DTNB: variants seen among roughly 807,000 people sequenced by gnomAD.
DTNB encodes the protein dystrobrevin beta.
In DTNB, 63 loss-of-function variants were observed where a neutral mutation model predicts 90.7. That is an observed-to-expected ratio of 0.69 (90% CI 0.57 to 0.86). The LOEUF is 0.86. Among genes scored for constraint, DTNB ranks in the 40% least tolerant of loss-of-function variants. The probability of loss-of-function intolerance (pLI) is 0.00; values close to 1 mark genes in which losing one functional copy is unlikely to be tolerated. For missense variants in DTNB, 744 were observed against 807.1 expected, an observed-to-expected ratio of 0.92 and a Z score of 0.95; for synonymous variants, 277 against 286.7, an observed-to-expected ratio of 0.97 and a Z score of 0.34.
At chr2:25,635,566 A>G (rs2076956451) in intron 3 of DTNB, among the ~76,000 whole-genome samples, 1 of 152,212 alleles carries the variant, frequency 6.6e-6, no homozygotes, top group African/African-American at 2.4e-5. Flanking sequence ...AACATTGGCA[A>G]TATGTCAATT....
At chr2:25,587,597 G>C (rs912450083) in intron 6 of DTNB, among the ~76,000 whole-genome samples, 15 of 152,180 alleles carry the variant, frequency 9.9e-5, no homozygotes, top group African/African-American at 3.6e-4. Flanking sequence ...CGGGGGGAAG[G>C]GGTGCTTTCC....
chr2:25,378,602 C>A (rs966516603), intron 20 of DTNB, among the ~76,000 whole-genome samples: 2 of 151,944 alleles, frequency 1.3e-5, no homozygotes, highest in African/African-American at 4.8e-5. Context: ...GGAGGGAAGA[C>A]AAGATTTTAA....
chr2:25,562,081 C>A (rs182899977), intron 8 of DTNB, among the ~76,000 whole-genome samples: 1 of 152,188 alleles, frequency 6.6e-6, no homozygotes, highest in African/African-American at 2.4e-5. Context: ...CCCCAGCCCC[C>A]GGAAACTACT....
At chr2:25,641,577 A>G (rs546317064) in intron 2 of DTNB, among the ~76,000 whole-genome samples, 6 of 152,116 alleles carry the variant, frequency 3.9e-5, no homozygotes, top group Non-Finnish European at 8.8e-5. Context: ...ACTCCTTGCA[A>G]AACTCCACAA....
intron 15 of DTNB, among the ~76,000 whole-genome samples, chr2:25,422,552 T>C (rs1475480605): frequency 6.6e-6 from 1 of 151,936 alleles, no homozygotes; most frequent in Admixed American, 6.6e-5. Flanking sequence ...ATTATAGGCA[T>C]GCACCACCAC....
chr2:25,451,506 T>A, intron 12 of DTNB, 42 bp downstream of exon 12: 1 of 1,558,680 alleles, frequency 6.4e-7, no homozygotes, highest in Non-Finnish European at 8.7e-7. Flanking sequence ...ATTAAAGTAA[T>A]GCTAATTTCT....
intron 8 of DTNB, among the ~76,000 whole-genome samples, chr2:25,537,507 A>T (rs956208627): frequency 6.6e-6 from 1 of 152,224 alleles, no homozygotes; most frequent in South Asian, 2.1e-4. Context: ...AAATAAAGAC[A>T]TGTAATTAGA....
chr2:25,531,681 G>C, intron 8 of DTNB, 84 bp from the exon 9 acceptor site: 1 of 1,510,184 alleles, frequency 6.6e-7, no homozygotes, highest in Non-Finnish European at 8.8e-7. Flanking sequence ...TTTGTGACAA[G>C]AGTGTAAAAA....
chr2:25,451,800 G>C lies in DTNB; in HGVS notation c.1170-165C>G, dbSNP rs183916303. 2.6e-5 allele frequency among the ~76,000 whole-genome samples: 4 copies of C among 152,330 alleles called. No individual in the cohort carries two copies. In the East Asian group the frequency reaches 7.7e-4, roughly 29 times the overall value. On this transcript the variant is annotated intron_variant, in intron 11 of 20. Coordinates refer to ENST00000406818, the MANE Select transcript of DTNB (RefSeq NM_021907.5). ...GGTCTTCTGAAAAAAAGGGGATTTA[G>C]AGAAATGAGGAGGCCACATTTGTCA...
At chr2:25,550,425 A>C (rs566734478) in intron 8 of DTNB, among the ~76,000 whole-genome samples, 70 of 152,168 alleles carry the variant, frequency 4.6e-4, no homozygotes, top group African/African-American at 1.4e-3. Flanking sequence ...AACAAACAAA[A>C]AAAAACACGG....
intron 18 of DTNB, among the ~76,000 whole-genome samples, chr2:25,385,599 T>C (rs1188461980): frequency 6.6e-6 from 1 of 152,152 alleles, no homozygotes; most frequent in African/African-American, 2.4e-5. Context: ...AGACCCAGGT[T>C]CTAGGACCAG....
chr2:25,582,864 T>C (rs1185449619), intron 6 of DTNB, among the ~76,000 whole-genome samples: 1 of 152,144 alleles, frequency 6.6e-6, no homozygotes, highest in Non-Finnish European at 1.5e-5. Context: ...TTAAAAACCA[T>C]AAAGCCACCT....
chr2:25,431,116 T>C (rs2053715258), intron 14 of DTNB, among the ~76,000 whole-genome samples: 3 of 152,198 alleles, frequency 2.0e-5, no homozygotes. Flanking sequence ...TTAATATAAA[T>C]GGATTTACCA....
intron 8 of DTNB, among the ~76,000 whole-genome samples, chr2:25,559,697 A>C (rs1559029120): frequency 6.6e-6 from 1 of 152,236 alleles, no homozygotes; most frequent in Non-Finnish European, 1.5e-5. Flanking sequence ...AGAAGAGTGA[A>C]TATTACCTTC....
chr2:25,441,878 T>C (rs2057471443), intron 12 of DTNB, among the ~76,000 whole-genome samples: 1 of 152,162 alleles, frequency 6.6e-6, no homozygotes, highest in South Asian at 2.1e-4. Flanking sequence ...GAAGGTTTCC[T>C]AGAAAGTTAG....
chr2:25,460,350 T>C (rs184654749), intron 10 of DTNB, among the ~76,000 whole-genome samples: 1 of 152,260 alleles, frequency 6.6e-6, no homozygotes, highest in East Asian at 1.9e-4. Flanking sequence ...AGGAGGTGGA[T>C]ATACGAGGTA....
chr2:25,426,234 T>A (rs1264048248), intron 15 of DTNB, among the ~76,000 whole-genome samples: 1 of 152,200 alleles, frequency 6.6e-6, no homozygotes, highest in African/African-American at 2.4e-5. Context: ...TCTGGGTGTG[T>A]CTGTGAGGGT....
At position 25,587,997 on chromosome 2, in the gene DTNB, T is replaced by C. The variant is rs572442372; in HGVS notation, c.604-7171A>G. 2.6e-5 allele frequency among the ~76,000 whole-genome samples: 4 copies of C among 152,268 alleles called. No homozygotes were observed. In the South Asian group the frequency reaches 8.3e-4, roughly 32 times the overall value. On this transcript the variant is annotated intron_variant, in intron 6 of 20. Coordinates refer to ENST00000406818, the MANE Select transcript of DTNB (RefSeq NM_021907.5). Reference sequence around the variant, plus strand: ...TAATCCTTCGTGACATGTGAATTGGTCACACCAGCCTCTTGATGAACTGAA... The same window carrying C: ...TAATCCTTCGTGACATGTGAATTGGCCACACCAGCCTCTTGATGAACTGAA...
chr2:25,559,018 A>G (rs2057827365), intron 8 of DTNB, among the ~76,000 whole-genome samples: 1 of 152,158 alleles, frequency 6.6e-6, no homozygotes, highest in Admixed American at 6.5e-5. Flanking sequence ...AGAGCCCTGC[A>G]TGTTCCTGGC....
Sources: gnomAD v4.1 joint callset for allele counts (sites outside exome capture counted in the v4.1 genomes callset) on GRCh38, gnomAD v4.1.1 for gene constraint, MANE v1.5 for transcripts, NCBI Gene and HGNC (gene_info 2026-07-23, HGNC 2026-07-21) for gene names.